The following KAZN variants were observed in gnomAD, a reference collection of about 807,000 sequenced individuals.
The protein encoded by KAZN is kazrin.
In KAZN, 40 loss-of-function variants were observed where a neutral mutation model predicts 87.4. That is an observed-to-expected ratio of 0.46 (90% CI 0.36 to 0.60). The LOEUF (loss-of-function observed/expected upper bound fraction) is 0.60. Among genes scored for constraint, KAZN ranks in the 20% least tolerant of loss-of-function variants. KAZN has a pLI of 0.00. For missense variants in KAZN, 898 were observed against 1,073.9 expected (o/e 0.84, Z 2.29); for synonymous variants, 466 against 458.3 (o/e 1.02, Z -0.22).
At chr1:14,224,067 A>G (rs968554002) in intron 2 of KAZN, among the ~76,000 whole-genome samples, 1 of 152,188 alleles carries the variant, frequency 6.6e-6, no homozygotes, top group Admixed American at 6.5e-5. Context: ...CCTTTCAACA[A>G]TATACTTCCA....
At chr1:14,222,465 C>A (rs1356500914) in intron 2 of KAZN, among the ~76,000 whole-genome samples, 1 of 152,126 alleles carries the variant, frequency 6.6e-6, no homozygotes, top group Non-Finnish European at 1.5e-5. Flanking sequence ...ATAAAGGAGT[C>A]TATGTTTCTG....
chr1:14,307,590 C>G (rs1387951279), intron 2 of KAZN, among the ~76,000 whole-genome samples: 10 of 152,214 alleles, frequency 6.6e-5, no homozygotes, highest in Admixed American at 6.5e-4. Flanking sequence ...AACTTGAACT[C>G]TAGCCTATGT....
At chr1:14,991,951 T>G (rs1343488931) in intron 2 of KAZN, among the ~76,000 whole-genome samples, 1 of 152,184 alleles carries the variant, frequency 6.6e-6, no homozygotes, top group East Asian at 1.9e-4. Context: ...CCTCGGTGCT[T>G]TCTCTGATGG....
chr1:14,033,456 C>T (rs1212575469), intron 1 of KAZN, among the ~76,000 whole-genome samples: 1 of 152,224 alleles, frequency 6.6e-6, no homozygotes. Flanking sequence ...GAACTTTCTT[C>T]CTTCCCACTT....
At chr1:13,981,649 G>C (rs1212724162) in intron 1 of KAZN, among the ~76,000 whole-genome samples, 1 of 152,214 alleles carries the variant, frequency 6.6e-6, no homozygotes, top group African/African-American at 2.4e-5. Flanking sequence ...GTAAGAGGCA[G>C]AGTGAACTTG....
At chr1:14,366,260 T>C (rs994416835) in intron 2 of KAZN, among the ~76,000 whole-genome samples, 1 of 152,240 alleles carries the variant, frequency 6.6e-6, no homozygotes, top group Non-Finnish European at 1.5e-5. Context: ...TATGGAACCC[T>C]CTGAACGTAC....
chr1:14,886,963 C>G (rs1654137067), intron 1 of KAZN, among the ~76,000 whole-genome samples: 1 of 152,128 alleles, frequency 6.6e-6, no homozygotes, highest in Non-Finnish European at 1.5e-5. Context: ...ATGCCTGGTT[C>G]CTAGTAGGTT....
intron 2 of KAZN, among the ~76,000 whole-genome samples, chr1:14,470,535 G>GT (rs1305874023): frequency 2.0e-5 from 3 of 152,198 alleles, no homozygotes; most frequent in Non-Finnish European, 4.4e-5. Context: ...TAAGTGAAGA[G>GT]TTTTTTCTCT....
chr1:14,134,742 T>C (rs1645067722), intron 1 of KAZN, among the ~76,000 whole-genome samples: 1 of 152,200 alleles, frequency 6.6e-6, no homozygotes, highest in Non-Finnish European at 1.5e-5. Flanking sequence ...GCCTACACTT[T>C]CATGGTACTC....
intron 1 of KAZN, among the ~76,000 whole-genome samples, chr1:14,064,045 A>T (rs1352923814): frequency 6.6e-6 from 1 of 152,184 alleles, no homozygotes; most frequent in Non-Finnish European, 1.5e-5. Context: ...CCTCCCGAGT[A>T]GCTGGGATTA....
intron 1 of KAZN, among the ~76,000 whole-genome samples, chr1:14,608,132 C>G (rs193182923): frequency 2.0e-5 from 3 of 152,216 alleles, no homozygotes; most frequent in Non-Finnish European, 2.9e-5. Context: ...TTCGTTAAGA[C>G]GAGAATATCC....
chr1:14,678,656 C>A (rs535207317), intron 1 of KAZN, among the ~76,000 whole-genome samples: 1 of 152,332 alleles, frequency 6.6e-6, no homozygotes, highest in East Asian at 1.9e-4. Context: ...CTGTTTGATG[C>A]AGGGCGAGCC....
chr1:13,944,125 T>C (rs1437267998), intron 1 of KAZN, among the ~76,000 whole-genome samples: 1 of 152,056 alleles, frequency 6.6e-6, no homozygotes. Flanking sequence ...ATAACCTAAG[T>C]GTTCATTAAT....
rs191510066 is a variant in KAZN, at chr1:15,090,912, T to A, written c.1223-3268T>A. On this transcript the variant is annotated intron_variant, in intron 8 of 14. Coordinates refer to ENST00000376030, the MANE Select transcript of KAZN (RefSeq NM_201628.3). ...GGTGGAGATGGGGATGATGGATGAG[T>A]GTGTGGTCACCAGGTGGATACAGTC... is the stretch of plus-strand genomic sequence containing the variant. Among the ~76,000 whole-genome samples, 250 of 152,246 alleles carry A rather than the reference T, an allele frequency of 1.6e-3. 1 individual carries two copies. The highest frequency in any genetic ancestry group is 2.5e-3 in the Non-Finnish European group (173 of 68,022).
At chr1:14,915,655 T>C (rs1224350525) in intron 1 of KAZN, among the ~76,000 whole-genome samples, 6 of 152,192 alleles carry the variant, frequency 3.9e-5, no homozygotes, top group Admixed American at 3.9e-4. Context: ...GCATGCATTC[T>C]CCATAACCCC....
intron 13 of KAZN, among the ~76,000 whole-genome samples, chr1:15,110,039 G>T (rs1557806076): frequency 2.2e-4 from 8 of 35,788 alleles, no homozygotes; most frequent in Non-Finnish European, 3.6e-4. Flanking sequence ...TTGTGTATGT[G>T]TGTATATATA....
At chr1:14,162,646 G>A (rs1044761539) in intron 1 of KAZN, among the ~76,000 whole-genome samples, 4 of 151,024 alleles carry the variant, frequency 2.6e-5, no homozygotes, top group Middle Eastern at 3.4e-3. Flanking sequence ...CAGGGTTCAC[G>A]CCATTCTCCT....
chr1:14,664,481 T>C (rs1006878420), intron 1 of KAZN, among the ~76,000 whole-genome samples: 4 of 152,210 alleles, frequency 2.6e-5, no homozygotes, highest in African/African-American at 9.6e-5. Flanking sequence ...TTGATATTGG[T>C]TTGACCAATC....
chr1:14,208,489 A>ATTCCATT (rs1646788279), intron 2 of KAZN, among the ~76,000 whole-genome samples: 1 of 152,200 alleles, frequency 6.6e-6, no homozygotes, highest in African/African-American at 2.4e-5. Context: ...GCCTCTGAGT[A>ATTCCATT]GACAGAGTGA....
Sources: gnomAD v4.1 joint callset for allele counts (sites outside exome capture counted in the v4.1 genomes callset) on GRCh38, gnomAD v4.1.1 for gene constraint, MANE v1.5 for transcripts, NCBI Gene and HGNC (gene_info 2026-07-23, HGNC 2026-07-21) for gene names.